The following STX2 variants were observed in gnomAD, a reference collection of about 807,000 sequenced individuals.
STX2 encodes syntaxin-2.
STX2 carries 27 observed loss-of-function variants against 40.6 expected under a neutral mutation model. The ratio of observed to expected loss-of-function variants is 0.66; its 90% CI spans 0.49 to 0.92. The LOEUF (loss-of-function observed/expected upper bound fraction) is 0.92, where lower values mean the gene tolerates loss of function less well. STX2 is among the 40% of genes least tolerant of loss of function. The probability of loss-of-function intolerance (pLI) is 0.00; values close to 1 mark genes in which losing one functional copy is unlikely to be tolerated. For synonymous variants in STX2, 123 were observed against 119.1 expected (o/e 1.03, Z -0.22); for missense variants, 328 against 366.1 (o/e 0.90, Z 0.85).
At chr12:130,827,314 G>T in intron 1 of STX2, 47 bp from the exon 2 acceptor site, 2 of 1,450,280 alleles carry the variant, frequency 1.4e-6, no homozygotes, top group South Asian at 1.1e-5. Flanking sequence ...TTTTATGTAG[G>T]CACAAATAGC....
intron 4 of STX2, among the ~76,000 whole-genome samples, chr12:130,811,536 CTTTTTT>C (rs71088788): frequency 1.0e-5 from 1 of 95,558 alleles, no homozygotes; most frequent in African/African-American, 4.3e-5. Flanking sequence ...CCATTAACAT[CTTTTTT>C]TTTTTTTTTT....
In STX2 at chr12:130,808,661, A is replaced by C; in HGVS notation, c.324T>G (p.Thr108=). The C allele has an allele frequency of 6.2e-7, 1 of 1,613,808 alleles. No individual in the cohort carries two copies. Among genetic ancestry groups the C allele is most frequent in the Non-Finnish European group, 8.5e-7 (1 of 1,179,952 alleles). Residue 108 remains threonine (T), a synonymous_variant, in exon 5 of 11, where the codon ACT becomes ACG. Transcript: ENST00000392373. ...SFDQDESGNR[T]SVDLRIRRTQ... ...TTCTTCGTATCCGAAGATCCACTGA[A>C]GTCCGGTTCCCACTCTCATCCTGAT... is the stretch of plus-strand genomic sequence containing the variant.
At chr12:130,818,772 C>T (rs768920859) in intron 3 of STX2, among the ~76,000 whole-genome samples, 87 of 152,210 alleles carry the variant, frequency 5.7e-4, no homozygotes, top group Non-Finnish European at 9.6e-4. Flanking sequence ...CGTGCGCAGC[C>T]GCAAGGACGA....
chr12:130,838,991 C>CCA, intron 1 of STX2, 79 bp downstream of exon 1: 3 of 1,153,942 alleles, frequency 2.6e-6, no homozygotes, highest in Non-Finnish European at 3.3e-6. Context: ...GAGCCCCGCC[C>CCA]AAGACGCCCC....
At chr12:130,819,103 G>A (rs1292234596) in intron 3 of STX2, among the ~76,000 whole-genome samples, 3 of 152,162 alleles carry the variant, frequency 2.0e-5, no homozygotes, top group African/African-American at 4.8e-5. Flanking sequence ...CGGCGCGGGC[G>A]GTGCTGGGAC....
rs1388729768 is a variant in STX2 at position 130,801,445 on chromosome 12, C to T, written c.507G>A (p.Glu169=). Residue 169 remains glutamate, a synonymous_variant, in exon 7 of 11, where the codon GAG becomes GAA. Coordinates refer to ENST00000392373, the MANE Select transcript of STX2 (RefSeq NM_194356.4). ...AAGTGAAGATGGATGGCTTCCCGCT[C>T]TCCAGCATCTCTTCTAGCTCGTCGT... ...TTDDELEEML[E]SGKPSIFTSD... 1 of 1,611,224 alleles carries T rather than the reference C, an allele frequency of 6.2e-7. No homozygotes were observed. The highest frequency in any genetic ancestry group is 8.5e-7 in the Non-Finnish European group (1 of 1,178,552).
In STX2 at chr12:130,799,727, C is replaced by T. The variant is rs370649321; in HGVS notation, c.676-1092G>A. ...TACTCGGGAGGCTGAGGTAGGAGAACTGCTTGAGCCCAGGAGGCAGAGGTT... is the reference window on the plus strand; with the variant it reads ...TACTCGGGAGGCTGAGGTAGGAGAATTGCTTGAGCCCAGGAGGCAGAGGTT... On this transcript the variant is annotated intron_variant, in intron 8 of 10. Coordinates refer to ENST00000392373, the MANE Select transcript of STX2 (RefSeq NM_194356.4). Among the ~76,000 whole-genome samples, 4 of 151,382 alleles carry T rather than the reference C, an allele frequency of 2.6e-5. No individual in the cohort carries two copies. The East Asian group carries it at 7.7e-4, about 29-fold the overall frequency.
chr12:130,807,780 G>A (rs74624619), intron 5 of STX2, among the ~76,000 whole-genome samples: 7,906 of 152,270 alleles, frequency 0.052, 293 homozygotes, highest in Middle Eastern at 0.1. Context: ...TATAAATACT[G>A]TGAAAGGAAA....
At chr12:130,799,805 C>A (rs1951156389) in intron 8 of STX2, among the ~76,000 whole-genome samples, 1 of 76,024 alleles carries the variant, frequency 1.3e-5, no homozygotes, top group African/African-American at 5.1e-5. Context: ...CAGAGCAAGA[C>A]CCTGTCTCAA....
intron 4 of STX2, among the ~76,000 whole-genome samples, chr12:130,809,116 C>T (rs1009326123): frequency 1.3e-5 from 2 of 152,246 alleles, no homozygotes; most frequent in Non-Finnish European, 2.9e-5. Context: ...ATCCGCCTGC[C>T]TTGGCATCCC....
At chr12:130,799,149 G>A (rs1448069018) in intron 8 of STX2, among the ~76,000 whole-genome samples, 1 of 152,230 alleles carries the variant, frequency 6.6e-6, no homozygotes, top group Non-Finnish European at 1.5e-5. Flanking sequence ...AGCAAAGTGT[G>A]AGGGAGGTAA....
At chr12:130,826,611 G>A (rs1195880864) in intron 2 of STX2, among the ~76,000 whole-genome samples, 1 of 152,202 alleles carries the variant, frequency 6.6e-6, no homozygotes, top group Non-Finnish European at 1.5e-5. Flanking sequence ...AAAAATTCCA[G>A]AGAACTTACG....
chr12:130,805,483 G>GTATGAGAGA (rs1951395855), intron 6 of STX2, among the ~76,000 whole-genome samples: 1 of 152,204 alleles, frequency 6.6e-6, no homozygotes, highest in Non-Finnish European at 1.5e-5. Context: ...GCAAGATGGA[G>GTATGAGAGA]TATGAGAGAT....
chr12:130,798,353 T>G, intron 9 of STX2, 172 bp downstream of exon 9: 1 of 465,164 alleles, frequency 2.1e-6, no homozygotes, highest in Non-Finnish European at 3.6e-6. Context: ...AAATAATTCA[T>G]CTAATAAACC....
intron 1 of STX2, among the ~76,000 whole-genome samples, chr12:130,833,718 C>T (rs1226550164): frequency 2.6e-5 from 4 of 152,112 alleles, no homozygotes; most frequent in African/African-American, 9.7e-5. Context: ...GCCCATTCTG[C>T]CTTTTAATAA....
rs144969043 is a variant in STX2, at chr12:130,809,855, A to T, written c.281-1151T>A. Among the ~76,000 whole-genome samples the T allele has an allele frequency of 1.1e-3, 160 of 152,262 alleles. 1 individual carries two copies. Among genetic ancestry groups the T allele is most frequent in the Middle Eastern group, 0.01 (3 of 294 alleles). ...ACACAGAGGAAAAACTATTCAAAGC[A>T]ACTTTAAAACCCAGTAATTTGTAGC... On this transcript the variant is annotated intron_variant, in intron 4 of 10. Coordinates refer to ENST00000392373, the MANE Select transcript of STX2 (RefSeq NM_194356.4).
chr12:130,823,528 C>T (rs1348775111), intron 2 of STX2, among the ~76,000 whole-genome samples: 1 of 152,224 alleles, frequency 6.6e-6, no homozygotes, highest in South Asian at 2.1e-4. Context: ...AGGGAGCCAA[C>T]GTTGGAAGAA....
At chr12:130,815,098 A>T (rs1951811063) in intron 3 of STX2, among the ~76,000 whole-genome samples, 2 of 152,344 alleles carry the variant, frequency 1.3e-5, no homozygotes, top group South Asian at 4.1e-4. Flanking sequence ...AGAAAAAACA[A>T]AGAAAAATTA....
chr12:130,831,932 G>A (rs940797262), intron 1 of STX2, among the ~76,000 whole-genome samples: 1 of 144,054 alleles, frequency 6.9e-6, no homozygotes, highest in South Asian at 2.2e-4. Context: ...GTGCAGTAGC[G>A]TGATCACAGT....
Sources: gnomAD v4.1 joint callset for allele counts (sites outside exome capture counted in the v4.1 genomes callset) on GRCh38, gnomAD v4.1.1 for gene constraint, MANE v1.5 for transcripts, NCBI Gene and HGNC (gene_info 2026-07-23, HGNC 2026-07-21) for gene names.